Variants in GPR155 observed in about 807,000 individuals in gnomAD.
GPR155 encodes lysosomal cholesterol signaling protein.
GPR155 carries 65 observed loss-of-function variants against 93.1 expected under a neutral mutation model. The ratio of observed to expected loss-of-function variants is 0.70; its 90% CI spans 0.57 to 0.86. The LOEUF (loss-of-function observed/expected upper bound fraction) is 0.86, where lower values mean the gene tolerates loss of function less well. Ranked by LOEUF, GPR155 falls within the 40% of genes least tolerant of loss-of-function variation. The pLI is 0.00. For missense variants in GPR155, 838 were observed against 1,034.8 expected (o/e 0.81, Z 2.61); for synonymous variants, 319 against 360.1 (o/e 0.89, Z 1.29).
intron 10 of GPR155, among the ~76,000 whole-genome samples, chr2:174,454,625 AGAAG>A (rs750579777): frequency 1.5e-4 from 21 of 142,046 alleles, no homozygotes; most frequent in East Asian, 2.4e-4. Context: ...GCCTGGGGAA[AGAAG>A]GAAGGAAGGA....
chr2:174,462,728 G>A (rs796860382), intron 7 of GPR155, among the ~76,000 whole-genome samples: 3 of 152,306 alleles, frequency 2.0e-5, no homozygotes, highest in African/African-American at 4.8e-5. Context: ...CGCCCTAAGT[G>A]TAATGATAGC....
chr2:174,434,720 C>T lies in GPR155; in HGVS notation c.*1396G>A, dbSNP rs775634709. On this transcript the variant is annotated 3_prime_UTR_variant, in exon 16 of 16. Coordinates refer to ENST00000392552, the MANE Select transcript of GPR155 (RefSeq NM_152529.7). The stretch of plus-strand genomic sequence containing the variant: ...TCCCAGGCTCAAGGGGTACTCCCAC[C>T]TCAGTCTCCAAAGTAGCTGGGACTA... 27 of 152,172 alleles carry T rather than the reference C, an allele frequency of 1.8e-4. No individual in the cohort carries two copies. Among genetic ancestry groups the T allele is most frequent in the Non-Finnish European group, 3.4e-4 (23 of 68,108 alleles). 9.4% of individuals were successfully genotyped at this position (152,172 alleles called of 1,614,324 possible). A position where few individuals can be genotyped will look rare whatever the true frequency, so the allele number is the denominator to read the frequency against.
At chr2:174,463,254 C>A (rs1260462030) in intron 7 of GPR155, among the ~76,000 whole-genome samples, 1 of 151,520 alleles carries the variant, frequency 6.6e-6, no homozygotes, top group African/African-American at 2.4e-5. Flanking sequence ...CTTTGTTAAC[C>A]AGGTTGGGGT....
rs377733085 is a variant in GPR155 at position 174,440,678 on chromosome 2, C to T, written c.2175-643G>A. The stretch of plus-strand genomic sequence containing the variant: ...AGCATTTACTGGGCACTTTTCATAG[C>T]GCTGGTGGGATACATTTCTTTAGCA... On this transcript the variant is annotated intron_variant, in intron 14 of 15. Transcript: ENST00000392552. 5.8e-4 allele frequency among the ~76,000 whole-genome samples: 88 copies of T among 152,246 alleles called. 1 individual carries two copies. In the South Asian group the frequency reaches 0.018, roughly 30 times the overall value.
intron 10 of GPR155, among the ~76,000 whole-genome samples, chr2:174,456,285 A>G (rs1419637438): frequency 6.6e-6 from 1 of 151,872 alleles, no homozygotes; most frequent in Non-Finnish European, 1.5e-5. Flanking sequence ...CCTGTGACCC[A>G]GGAATTACCA....
At chr2:174,445,799 GGGTC>G (rs769780585) in intron 12 of GPR155, among the ~76,000 whole-genome samples, 9 of 152,032 alleles carry the variant, frequency 5.9e-5, no homozygotes, top group Non-Finnish European at 8.8e-5. Context: ...TATTTTGTAA[GGGTC>G]TATTATATGA....
intron 2 of GPR155, among the ~76,000 whole-genome samples, chr2:174,475,281 C>T (rs1242198047): frequency 2.0e-5 from 2 of 100,462 alleles, no homozygotes; most frequent in East Asian, 3.1e-4. Context: ...GGCGACAGAG[C>T]GAGACTCCGT....
chr2:174,445,351 C>G, intron 12 of GPR155, 175 bp from the exon 13 acceptor site: 2 of 509,730 alleles, frequency 3.9e-6, no homozygotes, highest in Non-Finnish European at 7.1e-6. Flanking sequence ...TTCAACCTCT[C>G]CTCCTGACAG....
chr2:174,468,983 C>T lies in GPR155; in HGVS notation c.1111G>A (p.Asp371Asn). ...ATGGCATATGCCAATGGCTTAGGGTCCATAGTGGGAAAGGTCAGTAACCAG... is the reference window on the plus strand; with the variant it reads ...ATGGCATATGCCAATGGCTTAGGGTTCATAGTGGGAAAGGTCAGTAACCAG... ...SAWLLTFPTM[D>N]PKPLAYAIQN... Residue 371 changes from aspartate (D) to asparagine (N), a missense_variant, in exon 5 of 16, where the codon GAC becomes AAC. Around this residue, in one of 3 missense-constraint regions of GPR155, gnomAD observed 663 missense variants for 790.1 expected, o/e 0.84. Transcript: ENST00000392552. 1 of 1,613,850 alleles carries T rather than the reference C, an allele frequency of 6.2e-7. No homozygotes were observed. The highest frequency in any genetic ancestry group is 8.5e-7 in the Non-Finnish European group (1 of 1,179,812).
chr2:174,461,776 A>G, intron 7 of GPR155, 104 bp from the exon 8 acceptor site: 1 of 678,126 alleles, frequency 1.5e-6, no homozygotes, highest in Non-Finnish European at 2.6e-6. Flanking sequence ...ATTTCATAGT[A>G]GTGTGTGGTT....
At chr2:174,455,418 G>A (rs1350071660) in intron 10 of GPR155, among the ~76,000 whole-genome samples, 13 of 152,310 alleles carry the variant, frequency 8.5e-5, no homozygotes, top group South Asian at 8.3e-4. Context: ...TGGGCACTAC[G>A]TGCAGCGCTT....
At position 174,481,828 on chromosome 2, in the gene GPR155, A is replaced by G; in HGVS notation, c.129T>C (p.Phe43=). 2 of 1,614,122 alleles carry G rather than the reference A, an allele frequency of 1.2e-6. No individual in the cohort carries two copies. The highest frequency in any genetic ancestry group is 1.7e-6 in the Non-Finnish European group (2 of 1,179,934). ...TGCCAAAGCATTCCAGTAAGGCTGG[A>G]AAAAGCCTTGTAATTGACATTGAAG... ...DPPSMSITRL[F]PALLECFGIV... is the part of the protein sequence containing the mutation. Residue 43 remains phenylalanine (F), a synonymous_variant, in exon 2 of 16, where the codon TTT becomes TTC. Coordinates refer to ENST00000392552, the MANE Select transcript of GPR155 (RefSeq NM_152529.7).
intron 5 of GPR155, 109 bp from the exon 6 acceptor site, chr2:174,466,736 G>A: frequency 1.6e-6 from 1 of 615,162 alleles, no homozygotes; most frequent in Admixed American, 3.1e-5. Flanking sequence ...TCCTGGTTCG[G>A]AAAGAATTTC....
intron 10 of GPR155, among the ~76,000 whole-genome samples, chr2:174,454,490 A>C (rs749451276): frequency 1.3e-5 from 2 of 152,112 alleles, no homozygotes; most frequent in Non-Finnish European, 2.9e-5. Context: ...CTGTCTTTAC[A>C]AAAAGCTTTT....
At chr2:174,459,828 G>A (rs1190069097) in intron 10 of GPR155, 50 bp downstream of exon 10, 3 of 1,384,894 alleles carry the variant, frequency 2.2e-6, no homozygotes, top group African/African-American at 1.4e-5. Context: ...CGGGATGATA[G>A]AGCAAGATTC....
intron 5 of GPR155, among the ~76,000 whole-genome samples, chr2:174,468,531 G>T (rs549021434): frequency 6.6e-6 from 1 of 152,106 alleles, no homozygotes; most frequent in Non-Finnish European, 1.5e-5. Context: ...ATCATTTGCA[G>T]AATGCTTTTC....
In GPR155 at chr2:174,432,432, G is replaced by A. The variant is rs1487615380; in HGVS notation, c.*3684C>T. 1.3e-5 allele frequency: 2 copies of A among 152,462 alleles called. No individual in the cohort carries two copies. Among genetic ancestry groups the A allele is most frequent in the Non-Finnish European group, 2.9e-5 (2 of 68,016 alleles). 9.4% of individuals were successfully genotyped at this position (152,462 alleles called of 1,614,324 possible). A position where few individuals can be genotyped will look rare whatever the true frequency, so the allele number is the denominator to read the frequency against. ...AGGGTCTCCCATGGAAAAAGATATT[G>A]CAGATTCCATTCATGCAAATAACAG... On this transcript the variant is annotated 3_prime_UTR_variant, in exon 16 of 16. Transcript: ENST00000392552.
chr2:174,450,160 A>G (rs1687274618), intron 11 of GPR155, among the ~76,000 whole-genome samples: 1 of 151,964 alleles, frequency 6.6e-6, no homozygotes, highest in East Asian at 1.9e-4. Context: ...GAATGAAATA[A>G]TGTCCTTTGC....
At chr2:174,456,167 C>T (rs1687511779) in intron 10 of GPR155, among the ~76,000 whole-genome samples, 2 of 151,912 alleles carry the variant, frequency 1.3e-5, no homozygotes, top group South Asian at 4.2e-4. Flanking sequence ...TATGTGTAGA[C>T]AGCAGGAAAT....
Sources: allele counts gnomAD v4.1 joint callset (sites outside exome capture counted in the v4.1 genomes callset), GRCh38; gene constraint gnomAD v4.1.1; regional missense constraint gnomAD v4.1.1; transcripts MANE v1.5; gene names NCBI Gene and HGNC (gene_info 2026-07-23, HGNC 2026-07-21).